Variants in RGS7 observed in about 807,000 individuals in gnomAD.
The protein encoded by RGS7 is regulator of G protein signaling 7.
Under a neutral mutation model 81.1 loss-of-function variants are expected in RGS7, and 27 were observed. The observed-to-expected ratio is 0.33, with a 90% confidence interval of 0.25 to 0.46. The LOEUF (loss-of-function observed/expected upper bound fraction) is 0.46. Among genes scored for constraint, RGS7 ranks in the 20% least tolerant of loss-of-function variants. The pLI is 1.00. For synonymous variants in RGS7, 208 were observed against 207.7 expected, an observed-to-expected ratio of 1.00 and a Z score of -0.01; for missense variants, 396 against 607.4, an observed-to-expected ratio of 0.65 and a Z score of 3.66.
chr1:241,003,505 A>G (rs2148638327), intron 3 of RGS7, among the ~76,000 whole-genome samples: 1 of 151,642 alleles, frequency 6.6e-6, no homozygotes, highest in African/African-American at 2.4e-5. Context: ...TACAATGGAT[A>G]TCATGCTATT....
At chr1:240,998,680 C>A in intron 3 of RGS7, 1 of 1,152,210 alleles carries the variant, frequency 8.7e-7, no homozygotes, top group South Asian at 1.2e-5. Flanking sequence ...AAGGGTTCAA[C>A]ATTTACACCG....
At chr1:240,930,986 C>G (rs916998090) in intron 5 of RGS7, among the ~76,000 whole-genome samples, 5 of 152,114 alleles carry the variant, frequency 3.3e-5, no homozygotes, top group African/African-American at 9.7e-5. Context: ...TACCAGCAAG[C>G]AGGTATTTAG....
At chr1:241,272,578 C>T (rs1363403510) in intron 2 of RGS7, among the ~76,000 whole-genome samples, 3 of 152,204 alleles carry the variant, frequency 2.0e-5, no homozygotes, top group Non-Finnish European at 4.4e-5. Flanking sequence ...CATCTGTATC[C>T]AGGCTCCCTC....
At chr1:240,994,494 A>G (rs577122706) in intron 3 of RGS7, among the ~76,000 whole-genome samples, 2 of 152,242 alleles carry the variant, frequency 1.3e-5, no homozygotes, top group Admixed American at 1.3e-4. Context: ...TAAAAATGTA[A>G]TTTACTTTTG....
At chr1:240,777,656 A>G (rs1161109832) in intron 18 of RGS7, among the ~76,000 whole-genome samples, 1 of 152,198 alleles carries the variant, frequency 6.6e-6, no homozygotes, top group Non-Finnish European at 1.5e-5. Flanking sequence ...GAAGTCCAAG[A>G]TCTAGACACT....
intron 2 of RGS7, among the ~76,000 whole-genome samples, chr1:241,291,880 C>T (rs1367975965): frequency 6.6e-6 from 1 of 152,114 alleles, no homozygotes; most frequent in Admixed American, 6.6e-5. Context: ...AGCCAGAATT[C>T]CCAACATTTT....
At chr1:241,220,979 AAGGAAGGAAGG>A (rs1558203018) in intron 2 of RGS7, among the ~76,000 whole-genome samples, 19 of 79,614 alleles carry the variant, frequency 2.4e-4, no homozygotes, top group South Asian at 2.3e-3. Context: ...GGAAGGAAGG[AAGGAAGGAAGG>A]AAGGAAGAGA....
intron 6 of RGS7, among the ~76,000 whole-genome samples, chr1:240,873,783 A>G (rs1664890692): frequency 6.6e-6 from 1 of 152,216 alleles, no homozygotes; most frequent in Non-Finnish European, 1.5e-5. Flanking sequence ...ATTCACCAAG[A>G]CTAGAACTAC....
chr1:240,815,332 AT>A (rs1690627292), intron 11 of RGS7, among the ~76,000 whole-genome samples: 1 of 152,142 alleles, frequency 6.6e-6, no homozygotes, highest in African/African-American at 2.4e-5. Context: ...ACAGAACAAG[AT>A]TCTGTCTCAA....
intron 4 of RGS7, among the ~76,000 whole-genome samples, chr1:240,975,179 G>A (rs760126442): frequency 2.6e-4 from 39 of 152,180 alleles, no homozygotes; most frequent in African/African-American, 8.9e-4. Flanking sequence ...CGAGGCAGGC[G>A]GATCATGAAG....
intron 2 of RGS7, among the ~76,000 whole-genome samples, chr1:241,161,821 G>T (rs1450177241): frequency 6.6e-6 from 1 of 151,044 alleles, no homozygotes; most frequent in East Asian, 2.0e-4. Context: ...AGGTTCAAGC[G>T]ATTCTCCTGC....
intron 3 of RGS7, among the ~76,000 whole-genome samples, chr1:241,019,308 C>T (rs1572295092): frequency 6.6e-6 from 1 of 152,080 alleles, no homozygotes; most frequent in Admixed American, 6.5e-5. Flanking sequence ...GAGTCTGTTG[C>T]TGCAGACTTT....
At position 240,795,221 on chromosome 1, in the gene RGS7, A is replaced by ACCACCACCAC. The variant is rs369295721; in HGVS notation, c.*6+5419_*6+5420insGTGGTGGTGG. On this transcript the variant is annotated intron_variant, in intron 18 of 18. Transcript: ENST00000440928. ...TAAACAAAAAAACCCACCACCACCA[A>ACCACCACCAC]CAAAAATCAAACCAAGTTAAAAATC... is the stretch of plus-strand genomic sequence containing the variant. Among the ~76,000 whole-genome samples the ACCACCACCAC allele has an allele frequency of 1.1e-4, 17 of 151,056 alleles. No homozygotes were observed. The East Asian group carries it at 2.9e-3, about 26-fold the overall frequency.
At chr1:241,240,197 G>A (rs4359023) in intron 2 of RGS7, among the ~76,000 whole-genome samples, 39,390 of 152,060 alleles carry the variant, frequency 0.26, 5,430 homozygotes, top group East Asian at 0.37. Flanking sequence ...AAGCTGCATG[G>A]TAAAAACAGC....
chr1:241,320,530 T>G (rs762991188), intron 2 of RGS7, among the ~76,000 whole-genome samples: 34 of 152,244 alleles, frequency 2.2e-4, no homozygotes, highest in African/African-American at 2.4e-5. Context: ...ACTGGCTGTT[T>G]GACTCGAGTA....
chr1:240,849,660 A>C (rs1337549017), intron 9 of RGS7, among the ~76,000 whole-genome samples: 1 of 151,910 alleles, frequency 6.6e-6, no homozygotes, highest in Non-Finnish European at 1.5e-5. Context: ...TGGTTGTTTA[A>C]AAGTGTGTGG....
chr1:240,815,573 TTTAA>T (rs1690670315), intron 11 of RGS7, among the ~76,000 whole-genome samples: 1 of 152,076 alleles, frequency 6.6e-6, no homozygotes, highest in Non-Finnish European at 1.5e-5. Flanking sequence ...CACAGAAAAC[TTTAA>T]TTAAAAACGC....
intron 2 of RGS7, among the ~76,000 whole-genome samples, chr1:241,245,441 G>A (rs1260142972): frequency 1.3e-5 from 2 of 151,298 alleles, no homozygotes; most frequent in African/African-American, 4.9e-5. Flanking sequence ...CCCAGAAGCA[G>A]AAGCTTGCAC....
chr1:241,175,756 C>T (rs1291358875), intron 2 of RGS7, among the ~76,000 whole-genome samples: 1 of 152,112 alleles, frequency 6.6e-6, no homozygotes, highest in Admixed American at 6.5e-5. Context: ...GAAGACTGAA[C>T]TTTATTTAGC....
Sources: allele counts gnomAD v4.1 joint callset (sites outside exome capture counted in the v4.1 genomes callset), GRCh38; gene constraint gnomAD v4.1.1; transcripts MANE v1.5; gene names NCBI Gene and HGNC (gene_info 2026-07-23, HGNC 2026-07-21).